The following VIRMA variants were observed in gnomAD, a reference collection of about 807,000 sequenced individuals.
The protein encoded by VIRMA is vir like m6A methyltransferase associated.
Under a neutral mutation model 182.4 loss-of-function variants are expected in VIRMA, and 65 were observed. The observed-to-expected ratio is 0.36, with a 90% confidence interval of 0.29 to 0.44. The LOEUF is 0.44. VIRMA is among the 20% of genes least tolerant of loss of function. VIRMA has a pLI of 1.00. For synonymous variants in VIRMA, 709 were observed against 743.1 expected (o/e 0.95, Z 0.75); for missense variants, 1,752 against 2,158.1 (o/e 0.81, Z 3.73).
At chr8:94,528,350 TA>T (rs10956918) in intron 7 of VIRMA, among the ~76,000 whole-genome samples, 6 of 151,278 alleles carry the variant, frequency 4.0e-5, no homozygotes, top group African/African-American at 1.5e-4. Context: ...TGGGGAAAGT[TA>T]AAAAAAAATC....
In VIRMA at chr8:94,511,421, G is replaced by A. The variant is rs567071910; in HGVS notation, c.3154C>T (p.Arg1052Cys). ...MLLCSIPLSG[R>C]LDSDEQKIQN... Reference sequence around the variant, plus strand: ...ATTTTCTGTTCATCACTATCCAAACGACCTGAGAGGGGGATAGAGCACAGG... The same window carrying A: ...ATTTTCTGTTCATCACTATCCAAACAACCTGAGAGGGGGATAGAGCACAGG... The change falls in exon 13 of 24, where the codon CGT (arginine) becomes TGT (cysteine). Residue 1052 changes from arginine to cysteine, a missense_variant. By Grantham distance (180) the Arg-to-Cys change is radical. Transcript: ENST00000297591. 8.1e-6 allele frequency: 13 copies of A among 1,613,940 alleles called. No homozygotes were observed. Among genetic ancestry groups the A allele is most frequent in the Non-Finnish European group, 1.1e-5 (13 of 1,179,958 alleles).
chr8:94,503,878 CA>C (rs556774938), intron 16 of VIRMA, among the ~76,000 whole-genome samples: 5 of 144,176 alleles, frequency 3.5e-5, no homozygotes, highest in Admixed American at 1.4e-4. Context: ...ACCAAAAAAA[CA>C]AAAAAAAAAC....
At chr8:94,500,559 A>G (rs1813933327) in intron 16 of VIRMA, among the ~76,000 whole-genome samples, 1 of 151,974 alleles carries the variant, frequency 6.6e-6, no homozygotes, top group Non-Finnish European at 1.5e-5. Flanking sequence ...TTGCAATACC[A>G]AGTTCTGGGG....
At chr8:94,552,585 T>C (rs1356819911) in intron 1 of VIRMA, among the ~76,000 whole-genome samples, 1 of 152,164 alleles carries the variant, frequency 6.6e-6, no homozygotes, top group Non-Finnish European at 1.5e-5. Flanking sequence ...TTTTAACAAT[T>C]TCTCCGTAGA....
At chr8:94,532,448 T>G (rs371516186) in intron 5 of VIRMA, among the ~76,000 whole-genome samples, 3 of 152,186 alleles carry the variant, frequency 2.0e-5, no homozygotes, top group African/African-American at 7.2e-5. Flanking sequence ...TGCAAGGCTG[T>G]ACACATGACA....
At chr8:94,543,214 G>C (rs1815625619) in intron 2 of VIRMA, among the ~76,000 whole-genome samples, 1 of 151,702 alleles carries the variant, frequency 6.6e-6, no homozygotes, top group African/African-American at 2.4e-5. Context: ...AGACCAGTCT[G>C]ACCAATATGG....
intron 6 of VIRMA, among the ~76,000 whole-genome samples, chr8:94,530,372 C>T (rs1815125174): frequency 6.6e-6 from 1 of 151,816 alleles, no homozygotes; most frequent in African/African-American, 2.4e-5. Context: ...TGGTATACAC[C>T]TGTGGTCCTA....
Position 94,519,176 on chromosome 8 carries a change from C to T in VIRMA, c.2322G>A (p.Leu774=). The T allele has an allele frequency of 1.9e-6, 3 of 1,614,118 alleles. No homozygotes were observed. The highest frequency in any genetic ancestry group is 2.2e-5 in the South Asian group (2 of 91,078). Residue 774 remains leucine (L), a synonymous_variant, in exon 9 of 24, where the codon CTG becomes CTA. Transcript: ENST00000297591. The stretch of plus-strand genomic sequence containing the variant: ...CTGTACAACGCTGAAAATGGCTGAA[C>T]AGTTCTGTAATACATTGCAATGTCT... ...STQTLQCITE[L]FSHFQRCTAS...
In VIRMA at chr8:94,526,508, G is replaced by C. The variant is rs902763170; in HGVS notation, c.1736C>G (p.Ser579Cys). The stretch of plus-strand genomic sequence containing the variant: ...ATCAGGTTCACTGTGGTTAGGAAGA[G>C]ATGAAGTCTTCTCTGCTAAATGGTC... The part of the protein sequence containing the change: ...LGDHLAEKTS[S>C]LPNHSEPDHD... Residue 579 changes from serine (S) to cysteine (C), a missense_variant, in exon 8 of 24, where the codon TCT becomes TGT. This residue lies in a region of VIRMA where 401 missense variants were observed against 455.1 expected (regional missense o/e 0.88). Coordinates refer to ENST00000297591, the MANE Select transcript of VIRMA (RefSeq NM_015496.5). 3.3e-5 allele frequency: 53 copies of C among 1,613,174 alleles called. No homozygotes were observed. Among genetic ancestry groups the C allele is most frequent in the Non-Finnish European group, 4.2e-5 (50 of 1,179,844 alleles).
At position 94,518,993 on chromosome 8, in the gene VIRMA, T is replaced by A. The variant is rs746469494; in HGVS notation, c.2505A>T (p.Glu835Asp). Residue 835 changes from glutamate to aspartate, a missense_variant, in exon 9 of 24, where the codon GAA (glutamate) becomes GAT (aspartate). Transcript: ENST00000297591. ...LITLMEYYSK[E>D]ALGDSKSKKS... ...AGTAAGTAGGAAATTACCCCAAGGC[T>A]TCTTTGGAATAGTACTCCATTAGAG... 1.9e-6 allele frequency: 3 copies of A among 1,598,668 alleles called. No homozygotes were observed.
chr8:94,499,513 A>G lies in VIRMA; in HGVS notation c.4098-7T>C. The stretch of plus-strand genomic sequence containing the variant: ...ACTGTTTTTCCTTAAAGAACTGTAA[A>G]TAAAGAAAATAAAGAGAAGATATTA... On this transcript the variant is annotated splice_region_variant and splice_polypyrimidine_tract_variant and intron_variant, in intron 16 of 23. Coordinates refer to ENST00000297591, the MANE Select transcript of VIRMA (RefSeq NM_015496.5). 7.1e-7 allele frequency: 1 copy of G among 1,416,204 alleles called. No homozygotes were observed. Among genetic ancestry groups the G allele is most frequent in the Non-Finnish European group, 9.8e-7 (1 of 1,019,970 alleles). 87.7% of individuals were successfully genotyped at this position (1,416,204 alleles called of 1,614,324 possible). A position where few individuals can be genotyped will look rare whatever the true frequency, so the allele number is the denominator to read the frequency against.
At chr8:94,497,293 G>A (rs1435547363) in intron 17 of VIRMA, 1 of 151,810 alleles carries the variant, frequency 6.6e-6, no homozygotes, top group Non-Finnish European at 1.5e-5. Flanking sequence ...TCATATAGAT[G>A]GGGTCTCACT....
intron 20 of VIRMA, among the ~76,000 whole-genome samples, chr8:94,494,329 C>T (rs1031968671): frequency 3.3e-5 from 5 of 151,476 alleles, no homozygotes; most frequent in East Asian, 1.9e-4. Flanking sequence ...TGGTGGCTCA[C>T]GCCTGTAATC....
At chr8:94,506,795 C>T in intron 15 of VIRMA, 78 bp from the exon 16 acceptor site, 2 of 794,942 alleles carry the variant, frequency 2.5e-6, no homozygotes, top group Non-Finnish European at 4.1e-6. Context: ...AAATACATAG[C>T]AATTAATATT....
At chr8:94,492,565 C>T in intron 21 of VIRMA, 87 bp downstream of exon 21, 1 of 1,219,520 alleles carries the variant, frequency 8.2e-7, no homozygotes, top group Non-Finnish European at 1.2e-6. Context: ...AGCCACCGCG[C>T]TCGGCCGCAT....
intron 1 of VIRMA, among the ~76,000 whole-genome samples, chr8:94,544,273 T>C (rs1157686986): frequency 6.6e-6 from 1 of 152,148 alleles, no homozygotes; most frequent in Non-Finnish European, 1.5e-5. Flanking sequence ...AAAGATAATA[T>C]AATCCAAATA....
In VIRMA at chr8:94,539,700, G is replaced by A. The variant is rs1035730119; in HGVS notation, c.180-1354C>T. ...AAGAAAATGTTCACATCAAGCCACC[G>A]TTTGAACGTACCCCACAAAGTCCAT... On this transcript the variant is annotated intron_variant, in intron 2 of 23. Coordinates refer to ENST00000297591, the MANE Select transcript of VIRMA (RefSeq NM_015496.5). Among the ~76,000 whole-genome samples the A allele has an allele frequency of 3.9e-5, 6 of 152,146 alleles. No homozygotes were observed. In the East Asian group the frequency reaches 9.6e-4, roughly 24 times the overall value.
chr8:94,523,300 C>T lies in VIRMA; in HGVS notation c.2021+2923G>A, dbSNP rs114950180. Reference sequence around the variant, plus strand: ...TTTTTATTATAAATGAGTCATTATTCCCAGCCTACAAATATGCTCAAGCCT... The same window carrying T: ...TTTTTATTATAAATGAGTCATTATTTCCAGCCTACAAATATGCTCAAGCCT... On this transcript the variant is annotated intron_variant, in intron 8 of 23. Coordinates refer to ENST00000297591, the MANE Select transcript of VIRMA (RefSeq NM_015496.5). Among the ~76,000 whole-genome samples, 688 of 152,238 alleles carry T rather than the reference C, an allele frequency of 4.5e-3. 4 individuals carry two copies. Among genetic ancestry groups the T allele is most frequent in the African/African-American group, 0.016 (644 of 41,542 alleles).
chr8:94,547,120 C>T (rs58408347), intron 1 of VIRMA: 8,016 of 416,564 alleles, frequency 0.019, 481 homozygotes, highest in African/African-American at 0.089. Flanking sequence ...ATTGTAATTG[C>T]CTCTTATCTC....
Sources: gnomAD v4.1 joint callset for allele counts (sites outside exome capture counted in the v4.1 genomes callset) on GRCh38, gnomAD v4.1.1 for gene constraint, gnomAD v4.1.1 regional missense constraint, MANE v1.5 for transcripts, NCBI Gene and HGNC (gene_info 2026-07-23, HGNC 2026-07-21) for gene names.